Variants in FRMD4A observed in about 807,000 individuals in gnomAD.
FRMD4A encodes the protein FERM domain-containing protein 4A.
Under a neutral mutation model 129.1 loss-of-function variants are expected in FRMD4A, and 29 were observed. The ratio of observed to expected loss-of-function variants is 0.22; its 90% CI spans 0.17 to 0.31. The LOEUF (loss-of-function observed/expected upper bound fraction) is 0.31, where lower values mean the gene tolerates loss of function less well. FRMD4A is among the 10% of genes least tolerant of loss of function. The pLI is 1.00. For synonymous variants in FRMD4A, 634 were observed against 571.6 expected, an observed-to-expected ratio of 1.11 and a Z score of -1.56; for missense variants, 1,272 against 1,375.8, an observed-to-expected ratio of 0.92 and a Z score of 1.19.
intron 2 of FRMD4A, among the ~76,000 whole-genome samples, chr10:13,880,388 A>G (rs2094533149): frequency 1.3e-5 from 2 of 152,220 alleles, no homozygotes. Flanking sequence ...CCAGAACCTG[A>G]ACACTTTTCA....
At chr10:13,696,616 C>T (rs986759763) in intron 14 of FRMD4A, among the ~76,000 whole-genome samples, 2 of 152,266 alleles carry the variant, frequency 1.3e-5, no homozygotes, top group East Asian at 1.9e-4. Flanking sequence ...TGATGGCACA[C>T]GCCTGTAGTC....
At chr10:13,990,767 C>T (rs571039180) in intron 2 of FRMD4A, among the ~76,000 whole-genome samples, 10 of 152,282 alleles carry the variant, frequency 6.6e-5, no homozygotes, top group East Asian at 1.9e-4. Flanking sequence ...TGCCAGAATC[C>T]GCATTTGGGA....
At chr10:13,812,444 T>C (rs1244111569) in intron 3 of FRMD4A, among the ~76,000 whole-genome samples, 2 of 152,256 alleles carry the variant, frequency 1.3e-5, no homozygotes, top group Non-Finnish European at 2.9e-5. Flanking sequence ...CTAACCATGC[T>C]GGCACCCTGA....
chr10:13,669,370 A>T (rs577379863), intron 17 of FRMD4A, among the ~76,000 whole-genome samples: 1 of 152,312 alleles, frequency 6.6e-6, no homozygotes, highest in East Asian at 1.9e-4. Flanking sequence ...ACGCCCGGCC[A>T]CATGAGCTTT....
rs57029013 is a variant in FRMD4A, at chr10:14,206,809, C to CAAAAAAAAA, written c.45+123240_45+123248dup. ...TGGATGACAGAGTGAGACGCTATCT[C>CAAAAAAAAA]AAAAAAAAAAAAGAGAGACAGAGAA... On this transcript the variant is annotated intron_variant, in intron 2 of 24. Coordinates refer to ENST00000357447, the MANE Select transcript of FRMD4A (RefSeq NM_018027.5). Among the ~76,000 whole-genome samples, 39 of 42,966 alleles carry CAAAAAAAAA rather than the reference C, an allele frequency of 9.1e-4. 2 individuals carry two copies. Among genetic ancestry groups the CAAAAAAAAA allele is most frequent in the East Asian group, 8.9e-3 (11 of 1,240 alleles). 28.2% of individuals were successfully genotyped at this position (42,966 alleles called of 152,430 possible). A position where few individuals can be genotyped will look rare whatever the true frequency, so the allele number is the denominator to read the frequency against.
intron 11 of FRMD4A, 50 bp from the exon 12 acceptor site, chr10:13,737,980 C>T (rs1226979133): frequency 2.0e-6 from 2 of 1,017,562 alleles, no homozygotes; most frequent in Admixed American, 1.7e-5. Context: ...AGGAAGTAAA[C>T]ACACGCAAAG....
At chr10:13,856,633 T>G (rs2094218079) in intron 3 of FRMD4A, among the ~76,000 whole-genome samples, 1 of 152,010 alleles carries the variant, frequency 6.6e-6, no homozygotes, top group South Asian at 2.1e-4. Context: ...CGCGGGGGTG[T>G]GGGAAGGAGC....
intron 19 of FRMD4A, among the ~76,000 whole-genome samples, chr10:13,662,444 A>G (rs527536464): frequency 6.6e-6 from 1 of 152,152 alleles, no homozygotes; most frequent in Admixed American, 6.5e-5. Context: ...AGGTTTCCAT[A>G]CAGGGCAAAA....
chr10:13,763,991 C>T (rs762839019), intron 6 of FRMD4A, among the ~76,000 whole-genome samples: 1 of 152,116 alleles, frequency 6.6e-6, no homozygotes, highest in East Asian at 1.9e-4. Flanking sequence ...CTTGGCCTCC[C>T]AAAGTGTTGG....
chr10:14,209,610 A>C (rs1252637778), intron 2 of FRMD4A, among the ~76,000 whole-genome samples: 2 of 151,624 alleles, frequency 1.3e-5, no homozygotes, highest in Admixed American at 1.3e-4. Flanking sequence ...AGTCCCAATT[A>C]CTCGGGAGGC....
At chr10:13,658,494 G>A (rs986158685) in intron 21 of FRMD4A, among the ~76,000 whole-genome samples, 5 of 152,244 alleles carry the variant, frequency 3.3e-5, no homozygotes, top group Non-Finnish European at 1.5e-5. Flanking sequence ...CCAAGCACAG[G>A]AAGAGGCGAG....
chr10:14,082,909 A>C (rs1293923190), intron 2 of FRMD4A: 6 of 152,232 alleles, frequency 3.9e-5, no homozygotes, highest in African/African-American at 1.4e-4. Context: ...AGAGTGTCTT[A>C]TACATAGCAA....
At chr10:13,834,092 T>C (rs1032253643) in intron 3 of FRMD4A, among the ~76,000 whole-genome samples, 12 of 152,038 alleles carry the variant, frequency 7.9e-5, no homozygotes. Flanking sequence ...GGCGAAACCC[T>C]GTCTCTACTA....
At chr10:13,817,854 T>C (rs2093569480) in intron 3 of FRMD4A, among the ~76,000 whole-genome samples, 1 of 152,334 alleles carries the variant, frequency 6.6e-6, no homozygotes, top group Middle Eastern at 3.4e-3. Context: ...GTGACTTCCA[T>C]GAGCCCTTCA....
At chr10:14,013,101 G>A (rs2095687569) in intron 2 of FRMD4A, among the ~76,000 whole-genome samples, 1 of 152,122 alleles carries the variant, frequency 6.6e-6, no homozygotes, top group Non-Finnish European at 1.5e-5. Context: ...AGATGGGAAG[G>A]TGACCTAAGG....
chr10:13,697,532 G>T (rs545602027), intron 14 of FRMD4A, among the ~76,000 whole-genome samples: 4 of 152,166 alleles, frequency 2.6e-5, no homozygotes, highest in Admixed American at 2.6e-4. Flanking sequence ...CATTGTCGGG[G>T]AGAGTCTCTC....
At chr10:14,277,607 A>G (rs1355726515) in intron 2 of FRMD4A, among the ~76,000 whole-genome samples, 1 of 152,246 alleles carries the variant, frequency 6.6e-6, no homozygotes, top group East Asian at 1.9e-4. Context: ...ACTTTGTTAT[A>G]GCAGCCCGAA....
intron 2 of FRMD4A, among the ~76,000 whole-genome samples, chr10:14,143,186 T>A (rs1481109244): frequency 1.3e-5 from 2 of 152,228 alleles, no homozygotes; most frequent in Non-Finnish European, 2.9e-5. Flanking sequence ...TGTACGTCCA[T>A]CATTGCAGCA....
chr10:14,164,846 A>C (rs1444707468), intron 2 of FRMD4A, among the ~76,000 whole-genome samples: 1 of 152,174 alleles, frequency 6.6e-6, no homozygotes, highest in African/African-American at 2.4e-5. Flanking sequence ...AAATTCTTCA[A>C]CTTTCTTAAA....
Sources: allele counts gnomAD v4.1 joint callset (sites outside exome capture counted in the v4.1 genomes callset), GRCh38; gene constraint gnomAD v4.1.1; transcripts MANE v1.5; gene names NCBI Gene and HGNC (gene_info 2026-07-23, HGNC 2026-07-21).